The following NLRP5 variants were observed in gnomAD, a reference collection of about 807,000 sequenced individuals.
The protein encoded by NLRP5 is NACHT, LRR and PYD domains-containing protein 5.
A neutral mutation model predicts 113.1 loss-of-function variants in NLRP5; 93 were observed. The observed-to-expected ratio is 0.82, with a 90% CI of 0.70 to 0.98. NLRP5 has a LOEUF of 0.98. Among genes scored for constraint, NLRP5 ranks in the 50% least tolerant of loss-of-function variants. NLRP5 has a pLI of 0.00. For missense variants in NLRP5, 1,808 were observed against 1,514.3 expected (o/e 1.19, Z -3.22); for synonymous variants, 751 against 600.7 (o/e 1.25, Z -3.66).
At chr19:56,031,775 A>G (rs951853602) in intron 7 of NLRP5, among the ~76,000 whole-genome samples, 3 of 152,284 alleles carry the variant, frequency 2.0e-5, no homozygotes, top group South Asian at 2.1e-4. Context: ...GACGAGTAAT[A>G]TTCCATTAAC....
At chr19:56,055,533 C>CTTTTTTTTTTTTTTTTT (rs1491011983) in intron 13 of NLRP5, among the ~76,000 whole-genome samples, 12 of 99,540 alleles carry the variant, frequency 1.2e-4, no homozygotes, top group Admixed American at 2.5e-4. Flanking sequence ...TTTTCTTTCT[C>CTTTTTTTTTTTTTTTTT]TGTCTTTTTT....
chr19:56,008,896 C>G, intron 3 of NLRP5, 43 bp downstream of exon 3: 1 of 1,547,406 alleles, frequency 6.5e-7, no homozygotes, highest in Non-Finnish European at 8.9e-7. Context: ...TGCTTAAAGA[C>G]ACATGGCAGC....
At chr19:56,049,014 C>G (rs1325367871) in intron 11 of NLRP5, among the ~76,000 whole-genome samples, 1 of 117,096 alleles carries the variant, frequency 8.5e-6, no homozygotes, top group Non-Finnish European at 1.7e-5. Context: ...CAGAGTCTTG[C>G]TCTGTCACCC....
intron 7 of NLRP5, among the ~76,000 whole-genome samples, chr19:56,030,231 G>A (rs1000434092): frequency 7.3e-5 from 11 of 151,582 alleles, no homozygotes; most frequent in African/African-American, 9.7e-5. Flanking sequence ...TTAGTGGGGC[G>A]TGGTGGTGGG....
At chr19:55,999,208 T>TTTAC (rs1199530177), upstream of NLRP5, among the ~76,000 whole-genome samples, 14 of 130,482 alleles carry the variant, frequency 1.1e-4, no homozygotes, top group African/African-American at 3.9e-4. Flanking sequence ...TTTTTTTTCT[T>TTTAC]TTTCTTTTTT....
chr19:56,058,556 G>T, intron 14 of NLRP5, 146 bp downstream of exon 14: 1 of 669,214 alleles, frequency 1.5e-6, no homozygotes. Context: ...ACTACGTTCT[G>T]AGTACCATGC....
rs1467353157 is a variant in NLRP5, at chr19:55,999,750, C to A, written c.25C>A (p.Leu9Ile). The A allele has an allele frequency of 6.2e-7, 1 of 1,613,436 alleles. No homozygotes were observed. Among genetic ancestry groups the A allele is most frequent in the Non-Finnish European group, 8.5e-7 (1 of 1,179,528 alleles). The change falls in exon 1 of 15, where the codon CTT (leucine) becomes ATT (isoleucine). Residue 9 changes from leucine to isoleucine, a missense_variant. Leu to Ile is a conservative substitution (Grantham distance 5). Coordinates refer to ENST00000390649, the MANE Select transcript of NLRP5 (RefSeq NM_153447.4). ...CATGAAGGTTGCAGGAGGACTTGAA[C>A]TTGGAGCTGCTGCTCTGCTCTCAGC...
chr19:56,032,971 C>T (rs1037988725), intron 8 of NLRP5, among the ~76,000 whole-genome samples, 190 bp downstream of exon 8: 1 of 152,024 alleles, frequency 6.6e-6, no homozygotes, highest in African/African-American at 2.4e-5. Context: ...ATCGGCCGGG[C>T]GCAGTGGCTC....
chr19:55,991,459 G>T, the NLRP5 span, among the ~76,000 whole-genome samples: 11 of 152,108 alleles, frequency 7.2e-5, no homozygotes, highest in Non-Finnish European at 1.2e-4. Flanking sequence ...TGACTGATGT[G>T]TTGGGAATCT....
intron 12 of NLRP5, among the ~76,000 whole-genome samples, chr19:56,052,120 C>A (rs991126932): frequency 4.6e-5 from 7 of 152,132 alleles, no homozygotes; most frequent in African/African-American, 1.7e-4. Flanking sequence ...CTAGGTCACC[C>A]CTACCTGGTC....
In NLRP5 at chr19:56,024,506, T is replaced by C. The variant is rs142357987; in HGVS notation, c.680-2407T>C. ...GTACATGCGTATATACATATGTATA[T>C]GTATATGTGTATGTATATGTATACA... On this transcript the variant is annotated intron_variant, in intron 6 of 14. Transcript: ENST00000390649. 1.7e-3 allele frequency among the ~76,000 whole-genome samples: 146 copies of C among 88,480 alleles called. 1 individual carries two copies. The highest frequency in any genetic ancestry group is 6.1e-3 in the African/African-American group (132 of 21,492). The allele number at this position is 88,480 out of a possible 152,430, so 58.0% of individuals were successfully genotyped here. A position where few individuals can be genotyped will look rare whatever the true frequency, so the allele number is the denominator to read the frequency against.
rs774195905 is a variant in NLRP5, at chr19:56,032,671, C to T, written c.2337C>T (p.Thr779=). 6.2e-7 allele frequency: 1 copy of T among 1,613,718 alleles called. No homozygotes were observed. The highest frequency in any genetic ancestry group is 2.2e-5 in the East Asian group (1 of 44,868). Residue 779 remains threonine, a synonymous_variant, in exon 8 of 15, where the codon ACC becomes ACT. Transcript: ENST00000390649. ...AAGATTTCTGCTCCATGCTTGGCACCCACCCACACCTGCGGCAGCTGGACC... is the reference window on the plus strand; with the variant it reads ...AAGATTTCTGCTCCATGCTTGGCACTCACCCACACCTGCGGCAGCTGGACC...
At chr19:56,046,410 G>GTGTGTGTGTGTGTGTGTGTGTGTGTGTT (rs1335038061) in intron 11 of NLRP5, among the ~76,000 whole-genome samples, 17 of 150,242 alleles carry the variant, frequency 1.1e-4, no homozygotes, top group Admixed American at 2.0e-4. Context: ...GTGTGTGTGT[G>GTGTGTGTGTGTGTGTGTGTGTGTGTGTT]TGTGTGTGTG....
chr19:56,015,673 T>C, intron 3 of NLRP5, 69 bp from the exon 4 acceptor site: 1 of 1,311,486 alleles, frequency 7.6e-7, no homozygotes, highest in Non-Finnish European at 1.0e-6. Context: ...ATCTGGGGTG[T>C]CCAACATCTC....
chr19:55,987,983 G>A, the NLRP5 span: 140 of 1,157,524 alleles, frequency 1.2e-4, no homozygotes, highest in African/African-American at 1.7e-4. Flanking sequence ...AATACCAGGC[G>A]TTATCATCCT....
intron 3 of NLRP5, among the ~76,000 whole-genome samples, chr19:56,010,755 A>AAAAAAAAAAAAAAAAAAAAAAATT (rs78321861): frequency 7.9e-6 from 1 of 126,008 alleles, no homozygotes; most frequent in Non-Finnish European, 1.7e-5. Flanking sequence ...AAAAAAAAAA[A>AAAAAAAAAAAAAAAAAAAAAAATT]GTCCCTTGAA....
chr19:56,042,271 A>G (rs1432603020), intron 11 of NLRP5, among the ~76,000 whole-genome samples: 1 of 147,524 alleles, frequency 6.8e-6, no homozygotes, highest in Non-Finnish European at 1.5e-5. Flanking sequence ...TGCTAGTGAT[A>G]CAGACACAAT....
chr19:56,028,546 C>T (rs762107113), intron 7 of NLRP5, 37 bp downstream of exon 7: 116 of 1,574,466 alleles, frequency 7.4e-5, no homozygotes, highest in Non-Finnish European at 9.3e-5. Context: ...ATGCCGTGTG[C>T]TGAGCTCTGT....
intron 11 of NLRP5, among the ~76,000 whole-genome samples, chr19:56,044,773 T>C (rs10416320): frequency 0.013 from 2,009 of 152,306 alleles, 52 homozygotes; most frequent in African/African-American, 0.043. Flanking sequence ...GGGGATTGCG[T>C]TGAATTTTGT....
Sources: gnomAD v4.1 joint callset for allele counts (sites outside exome capture counted in the v4.1 genomes callset) on GRCh38, gnomAD v4.1.1 for gene constraint, MANE v1.5 for transcripts, NCBI Gene and HGNC (gene_info 2026-07-23, HGNC 2026-07-21) for gene names.